The following PCCA variants were observed in gnomAD, a reference collection of about 807,000 sequenced individuals.
PCCA encodes the protein propionyl-CoA carboxylase alpha chain, mitochondrial.
PCCA carries 74 observed loss-of-function variants against 101.3 expected under a neutral mutation model. The observed-to-expected ratio is 0.73, with a 90% confidence interval of 0.61 to 0.89. The LOEUF (loss-of-function observed/expected upper bound fraction) is 0.89, where lower values mean the gene tolerates loss of function less well. Ranked by LOEUF, PCCA falls within the 40% of genes least tolerant of loss-of-function variation. The probability of loss-of-function intolerance (pLI) is 0.00; values close to 1 mark genes in which losing one functional copy is unlikely to be tolerated. For synonymous variants in PCCA, 294 were observed against 313.6 expected (o/e 0.94, Z 0.66); for missense variants, 891 against 907.0 (o/e 0.98, Z 0.23).
At chr13:100,234,408 A>T (rs2060660634) in intron 7 of PCCA, among the ~76,000 whole-genome samples, 1 of 151,838 alleles carries the variant, frequency 6.6e-6, no homozygotes, top group South Asian at 2.1e-4. Context: ...GGAGATATAG[A>T]TTTATCTCTG....
At chr13:100,329,658 CAATG>C (rs1387066954) in intron 16 of PCCA, among the ~76,000 whole-genome samples, 1 of 152,218 alleles carries the variant, frequency 6.6e-6, no homozygotes, top group East Asian at 1.9e-4. Context: ...TTCTACAAGA[CAATG>C]AACCATTTCT....
At chr13:100,262,578 A>T in intron 9 of PCCA, 151 bp from the exon 10 acceptor site, 1 of 611,370 alleles carries the variant, frequency 1.6e-6, no homozygotes, top group African/African-American at 1.9e-5. Context: ...TGCTTTTTTC[A>T]GAATAAGCCA....
rs1329266060 is a variant in PCCA, at chr13:100,515,433, G to C, written c.1906G>C (p.Val636Leu). The C allele has an allele frequency of 1.2e-6, 2 of 1,614,018 alleles. No individual in the cohort carries two copies. The highest frequency in any genetic ancestry group is 1.7e-6 in the Non-Finnish European group (2 of 1,179,890). Residue 636 changes from valine (V) to leucine (L), a missense_variant, in exon 22 of 24, where the codon GTG (valine) becomes CTG (leucine). Val to Leu is a conservative substitution (Grantham distance 32). Coordinates refer to ENST00000376285, the MANE Select transcript of PCCA (RefSeq NM_000282.4). Reference sequence around the variant, plus strand: ...GTTTTGTTTTTCCCTTAAGTACAAGGTGAATATCTTAACCAGACTTGCCGC... The same window carrying C: ...GTTTTGTTTTTCCCTTAAGTACAAGCTGAATATCTTAACCAGACTTGCCGC... Reference protein sequence around the residue: ...SIQFLGTVYKVNILTRLAAEL... With the variant: ...SIQFLGTVYKLNILTRLAAEL...
At chr13:100,455,687 A>G (rs1473540573) in intron 21 of PCCA, among the ~76,000 whole-genome samples, 1 of 151,908 alleles carries the variant, frequency 6.6e-6, no homozygotes, top group Non-Finnish European at 1.5e-5. Context: ...TACTGATGGC[A>G]CATATGCAAT....
intron 21 of PCCA, among the ~76,000 whole-genome samples, chr13:100,453,597 G>T (rs1441726746): frequency 6.6e-6 from 1 of 152,074 alleles, no homozygotes; most frequent in Non-Finnish European, 1.5e-5. Context: ...TCTTAGAAAA[G>T]GTCACTTGAC....
intron 18 of PCCA, among the ~76,000 whole-genome samples, chr13:100,364,743 T>C (rs2074995252): frequency 6.6e-6 from 1 of 152,136 alleles, no homozygotes; most frequent in Non-Finnish European, 1.5e-5. Flanking sequence ...TGTTAACATA[T>C]CACCCTGAAA....
rs372013541 is a variant in PCCA, at chr13:100,285,064, C to T, written c.1065+11718C>T. On this transcript the variant is annotated intron_variant, in intron 12 of 23. Transcript: ENST00000376285. ...CCTACAGCAGGTTAAATATCTAGGC[C>T]TAATCTTAGCCAAAGGGACCAGGGC... Among the ~76,000 whole-genome samples the T allele has an allele frequency of 7.9e-5, 12 of 152,332 alleles. No homozygotes were observed. The East Asian group carries it at 2.3e-3, about 29-fold the overall frequency.
intron 16 of PCCA, among the ~76,000 whole-genome samples, chr13:100,310,972 A>C (rs2066865594): frequency 6.6e-6 from 1 of 152,134 alleles, no homozygotes; most frequent in African/African-American, 2.4e-5. Flanking sequence ...ACGGTGGCTC[A>C]CACCCGTAAT....
intron 5 of PCCA, among the ~76,000 whole-genome samples, chr13:100,156,894 A>G (rs1050613745): frequency 2.0e-5 from 3 of 152,184 alleles, no homozygotes; most frequent in African/African-American, 2.4e-5. Context: ...TAATTCTTTG[A>G]TGCACCAGCC....
chr13:100,272,013 C>G (rs905815922), intron 11 of PCCA, among the ~76,000 whole-genome samples: 1 of 152,152 alleles, frequency 6.6e-6, no homozygotes, highest in Non-Finnish European at 1.5e-5. Context: ...TTTTAATCCA[C>G]AAGTAGAAAA....
intron 18 of PCCA, among the ~76,000 whole-genome samples, chr13:100,365,395 C>T (rs939306833): frequency 1.3e-5 from 2 of 152,112 alleles, no homozygotes; most frequent in Non-Finnish European, 2.9e-5. Flanking sequence ...CTATAAGGTC[C>T]CTTTCTGTGG....
In PCCA at chr13:100,368,672, T is replaced by A. The variant is rs10508043; in HGVS notation, c.1746+98T>A. On this transcript the variant is annotated intron_variant, in intron 19 of 23. Coordinates refer to ENST00000376285, the MANE Select transcript of PCCA (RefSeq NM_000282.4). ...TTCAGTGACTCTCGTCTTTTGAATTTGTAGTACCTCTATGTATTTTTCATC... is the reference window on the plus strand; with the variant it reads ...TTCAGTGACTCTCGTCTTTTGAATTAGTAGTACCTCTATGTATTTTTCATC... 0.15 allele frequency: 112,793 copies of A among 774,782 alleles called. 9,399 individuals carry two copies. The highest frequency in any genetic ancestry group is 0.27 in the Middle Eastern group (1,147 of 4,328). 48.0% of individuals were successfully genotyped at this position (774,782 alleles called of 1,614,324 possible). A position where few individuals can be genotyped will look rare whatever the true frequency, so the allele number is the denominator to read the frequency against.
chr13:100,169,790 C>T (rs2055453145), intron 6 of PCCA, among the ~76,000 whole-genome samples: 2 of 151,750 alleles, frequency 1.3e-5, no homozygotes, highest in Non-Finnish European at 2.9e-5. Context: ...GACTCCGCCT[C>T]CCAGGTTCAA....
intron 6 of PCCA, among the ~76,000 whole-genome samples, chr13:100,191,071 CAGAG>C (rs545438194): frequency 1.3e-5 from 2 of 152,240 alleles, no homozygotes; most frequent in East Asian, 1.9e-4. Flanking sequence ...GCCTGGGCAA[CAGAG>C]AGAGAGATCC....
intron 19 of PCCA, among the ~76,000 whole-genome samples, chr13:100,401,325 C>T (rs1567069890): frequency 1.3e-5 from 2 of 152,130 alleles, no homozygotes; most frequent in African/African-American, 4.8e-5. Flanking sequence ...CTCACCACAA[C>T]CTCTGCCTCC....
chr13:100,278,485 A>ATT lies in PCCA; in HGVS notation c.1065+5154_1065+5155dup, dbSNP rs35433903. 2.0e-3 allele frequency among the ~76,000 whole-genome samples: 284 copies of ATT among 141,680 alleles called. 2 individuals are homozygous for ATT. The highest frequency in any genetic ancestry group is 4.1e-3 in the South Asian group (18 of 4,352). The allele number at this position is 141,680 out of a possible 152,430, so 92.9% of individuals were successfully genotyped here. A position where few individuals can be genotyped will look rare whatever the true frequency, so the allele number is the denominator to read the frequency against. On this transcript the variant is annotated intron_variant, in intron 12 of 23. Transcript: ENST00000376285. Reference sequence around the variant, plus strand: ...TTTCTGGTATAAAACCCGATAGTTGATTTTTTTTTTTTTTTTAAACAGAGT... The same window carrying ATT: ...TTTCTGGTATAAAACCCGATAGTTGATTTTTTTTTTTTTTTTTTAAACAGAGT...
chr13:100,371,811 C>T (rs2075590407), intron 19 of PCCA, among the ~76,000 whole-genome samples: 1 of 152,114 alleles, frequency 6.6e-6, no homozygotes, highest in South Asian at 2.1e-4. Context: ...CCACAGTTTT[C>T]AAAACAGTGT....
intron 13 of PCCA, among the ~76,000 whole-genome samples, chr13:100,302,563 A>G (rs1461907650): frequency 6.6e-6 from 1 of 152,104 alleles, no homozygotes. Context: ...AGTAAGAAAA[A>G]CAAATATCTT....
intron 4 of PCCA, among the ~76,000 whole-genome samples, chr13:100,126,578 G>T (rs746668892): frequency 5.9e-5 from 9 of 152,198 alleles, no homozygotes; most frequent in East Asian, 1.9e-4. Flanking sequence ...GGGTCTCTTT[G>T]TGCCAGGTAG....
Sources: allele counts gnomAD v4.1 joint callset (sites outside exome capture counted in the v4.1 genomes callset), GRCh38; gene constraint gnomAD v4.1.1; transcripts MANE v1.5; gene names NCBI Gene and HGNC (gene_info 2026-07-23, HGNC 2026-07-21).